The following MTF2 variants were observed in gnomAD, a reference collection of about 807,000 sequenced individuals.
The protein encoded by MTF2 is metal-response element-binding transcription factor 2.
Under a neutral mutation model 79.5 loss-of-function variants are expected in MTF2, and 11 were observed. The observed-to-expected ratio is 0.14, with a 90% CI of 0.09 to 0.23. The LOEUF is 0.23. Ranked by LOEUF, MTF2 falls within the 10% of genes least tolerant of loss-of-function variation. The pLI is 1.00. For missense variants in MTF2, 486 were observed against 711.2 expected, an observed-to-expected ratio of 0.68 and a Z score of 3.60; for synonymous variants, 208 against 232.8, an observed-to-expected ratio of 0.89 and a Z score of 0.97.
chr1:93,087,535 G>GCC (rs1220129331), intron 1 of MTF2, among the ~76,000 whole-genome samples: 2 of 149,874 alleles, frequency 1.3e-5, no homozygotes, highest in East Asian at 3.9e-4. Flanking sequence ...TGGTACCATT[G>GCC]CATGGCAGCC....
chr1:93,079,847 G>T (rs1189027265), intron 1 of MTF2, among the ~76,000 whole-genome samples: 1 of 151,496 alleles, frequency 6.6e-6, no homozygotes, highest in Non-Finnish European at 1.5e-5. Flanking sequence ...GGCGGGAGAC[G>T]GTTGGAGGGG....
intron 9 of MTF2, chr1:93,121,153 A>G (rs1047576239): frequency 3.0e-6 from 3 of 984,760 alleles, no homozygotes; most frequent in Admixed American, 6.2e-5. Flanking sequence ...AGCTGCCTGA[A>G]TAGAAAATTA....
chr1:93,097,352 T>A (rs542707328), intron 1 of MTF2, among the ~76,000 whole-genome samples: 1 of 152,276 alleles, frequency 6.6e-6, no homozygotes, highest in Non-Finnish European at 1.5e-5. Flanking sequence ...CCCCATACCA[T>A]CTTCCCAGTT....
chr1:93,111,065 G>C (rs1016493569), intron 3 of MTF2, among the ~76,000 whole-genome samples: 1 of 152,124 alleles, frequency 6.6e-6, no homozygotes, highest in African/African-American at 2.4e-5. Context: ...TTACCATTTA[G>C]TTATGGGTTT....
intron 8 of MTF2, 71 bp downstream of exon 8, chr1:93,119,472 A>C: frequency 8.6e-7 from 1 of 1,162,096 alleles, no homozygotes. Context: ...AACTTTCTAT[A>C]TACATTTACT....
intron 4 of MTF2, 73 bp from the exon 5 acceptor site, chr1:93,114,915 A>G: frequency 7.8e-7 from 1 of 1,278,880 alleles, no homozygotes; most frequent in Non-Finnish European, 1.1e-6. Flanking sequence ...AAATAATGCT[A>G]AAATGCATTC....
At chr1:93,126,673 A>G (rs1315276497) in intron 9 of MTF2, among the ~76,000 whole-genome samples, 6 of 152,080 alleles carry the variant, frequency 3.9e-5, no homozygotes, top group African/African-American at 1.4e-4. Flanking sequence ...ATGAAAAATT[A>G]TTGAGCCATT....
chr1:93,100,356 G>A (rs1379354020), intron 1 of MTF2, among the ~76,000 whole-genome samples: 1 of 152,144 alleles, frequency 6.6e-6, no homozygotes, highest in African/African-American at 2.4e-5. Context: ...CCAGGCTGGA[G>A]TGCAGTGGCA....
chr1:93,119,284 ATC>A, intron 7 of MTF2, 47 bp from the exon 8 acceptor site: 1 of 1,299,874 alleles, frequency 7.7e-7, no homozygotes, highest in South Asian at 1.4e-5. Context: ...TTGTTAGTTT[ATC>A]TCTGATGACT....
At chr1:93,113,958 A>G (rs1244909202) in intron 3 of MTF2, among the ~76,000 whole-genome samples, 1 of 152,094 alleles carries the variant, frequency 6.6e-6, no homozygotes, top group Non-Finnish European at 1.5e-5. Context: ...GAATACTGGA[A>G]ATGATAATGT....
At chr1:93,135,894 A>T (rs936622858) in intron 14 of MTF2, among the ~76,000 whole-genome samples, 1 of 152,190 alleles carries the variant, frequency 6.6e-6, no homozygotes, top group Admixed American at 6.5e-5. Context: ...GACTTAGGGG[A>T]TTTTAAGTAA....
intron 1 of MTF2, among the ~76,000 whole-genome samples, chr1:93,079,820 G>A (rs946282651): frequency 5.3e-5 from 8 of 151,592 alleles, no homozygotes; most frequent in African/African-American, 1.9e-4. Flanking sequence ...TGTTTGGAGG[G>A]CAGGAAGGAA....
At chr1:93,129,803 C>T (rs926735684) in intron 11 of MTF2, among the ~76,000 whole-genome samples, 3 of 151,982 alleles carry the variant, frequency 2.0e-5, no homozygotes, top group African/African-American at 7.3e-5. Context: ...TTTTCAAGTG[C>T]CTTATTATCT....
In MTF2 at chr1:93,115,102, G is replaced by A; in HGVS notation, c.483+14G>A. The A allele has an allele frequency of 1.3e-6, 2 of 1,549,568 alleles. No homozygotes were observed. The highest frequency in any genetic ancestry group is 1.8e-6 in the Non-Finnish European group (2 of 1,124,900). On this transcript the variant is annotated intron_variant, in intron 5 of 14. Transcript: ENST00000370298. ...ACAACAACAAAGGTATATTTTAAGT[G>A]TTTTGGGCTAAAGCTCTGATGGAAT...
chr1:93,090,239 G>C (rs1406157842), intron 1 of MTF2, among the ~76,000 whole-genome samples: 1 of 152,174 alleles, frequency 6.6e-6, no homozygotes, highest in Non-Finnish European at 1.5e-5. Context: ...GCCTCCCAAA[G>C]TGCTGGGATT....
intron 1 of MTF2, 40 bp downstream of exon 1, chr1:93,079,571 G>T (rs1181693848): frequency 6.2e-7 from 1 of 1,612,788 alleles, no homozygotes; most frequent in African/African-American, 1.3e-5. Context: ...TTCCGGAGGA[G>T]ATGGGGGTTG....
chr1:93,118,052 T>TAAA (rs942489897), intron 6 of MTF2, among the ~76,000 whole-genome samples: 4 of 152,132 alleles, frequency 2.6e-5, no homozygotes, highest in African/African-American at 9.7e-5. Flanking sequence ...GCTTGTGTTT[T>TAAA]AACAGAGCTC....
At chr1:93,119,254 T>G in intron 7 of MTF2, 79 bp from the exon 8 acceptor site, 2 of 947,246 alleles carry the variant, frequency 2.1e-6, no homozygotes, top group Non-Finnish European at 3.2e-6. Flanking sequence ...GGTTATTCAC[T>G]TGGTGAATAT....
chr1:93,084,549 G>T (rs577623755), intron 1 of MTF2, among the ~76,000 whole-genome samples: 1 of 152,082 alleles, frequency 6.6e-6, no homozygotes, highest in African/African-American at 2.4e-5. Context: ...ATTTTGGTAG[G>T]TATTGTATTG....
Sources: gnomAD v4.1 joint callset for allele counts (sites outside exome capture counted in the v4.1 genomes callset) on GRCh38, gnomAD v4.1.1 for gene constraint, MANE v1.5 for transcripts, NCBI Gene and HGNC (gene_info 2026-07-23, HGNC 2026-07-21) for gene names.